The following CEP104 variants were observed in gnomAD, a reference collection of about 807,000 sequenced individuals.
CEP104 encodes the protein centrosomal protein 104.
A neutral mutation model predicts 113.3 loss-of-function variants in CEP104; 84 were observed. The observed-to-expected ratio is 0.74, with a 90% CI of 0.62 to 0.89. The LOEUF is 0.89. CEP104 is among the 40% of genes least tolerant of loss of function. The pLI, the probability that CEP104 is intolerant of heterozygous loss-of-function variation, is 0.00. For missense variants in CEP104, 1,053 were observed against 1,156.6 expected (o/e 0.91, Z 1.30); for synonymous variants, 378 against 421.7 (o/e 0.90, Z 1.27).
At chr1:3,822,766 G>A (rs1644004108) in intron 20 of CEP104, 1 of 167,958 alleles carries the variant, frequency 6.0e-6, no homozygotes, top group Admixed American at 5.7e-5. Flanking sequence ...GAATCAGGTA[G>A]GAAAGAGAAT....
chr1:3,835,303 C>A (rs929167374), intron 10 of CEP104, among the ~76,000 whole-genome samples: 1 of 151,972 alleles, frequency 6.6e-6, no homozygotes, highest in African/African-American at 2.4e-5. Context: ...AAATTTAAGA[C>A]TATGTTAAAA....
chr1:3,833,408 T>C (rs1438739240), intron 12 of CEP104, among the ~76,000 whole-genome samples: 2 of 152,206 alleles, frequency 1.3e-5, no homozygotes, highest in Non-Finnish European at 2.9e-5. Flanking sequence ...ATTCATTAGC[T>C]AGTTTAAAGA....
chr1:3,815,864 G>C (rs894043853), intron 21 of CEP104, among the ~76,000 whole-genome samples: 5 of 152,148 alleles, frequency 3.3e-5, no homozygotes, highest in Non-Finnish European at 5.9e-5. Context: ...ATTTTTTATA[G>C]GGTTTCACCA....
chr1:3,841,823 A>G (rs1209844565), intron 6 of CEP104, among the ~76,000 whole-genome samples: 1 of 152,230 alleles, frequency 6.6e-6, no homozygotes. Context: ...AATAACAGAA[A>G]GAAGCTTTAT....
chr1:3,832,412 TAGGTCCTGACCAGGAGTGTAGC>T (rs2124662770), intron 12 of CEP104, among the ~76,000 whole-genome samples: 1 of 62,172 alleles, frequency 1.6e-5, no homozygotes, highest in Admixed American at 1.7e-4. Context: ...GAGTGTAGCG[TAGGTCCTGACCAGGAGTGTAGC>T]GTAGGTCGTG....
chr1:3,852,565 A>ATT, intron 1 of CEP104, 144 bp from the exon 2 acceptor site: 1 of 717,174 alleles, frequency 1.4e-6, no homozygotes, highest in Non-Finnish European at 2.1e-6. Context: ...AAAAGAGTCT[A>ATT]TTTTTTTTTG....
Position 3,840,113 on chromosome 1 carries a change from T to C in CEP104, c.567-337A>G, listed in dbSNP as rs114628473. On this transcript the variant is annotated intron_variant, in intron 6 of 21. Coordinates refer to ENST00000378230, the MANE Select transcript of CEP104 (RefSeq NM_014704.4). ...AATAGGACAGTGAATGTGAATCAAC[T>C]GCAGAACAAGGAGAAAAACAAAAAC... Among the ~76,000 whole-genome samples the C allele has an allele frequency of 6.3e-3, 962 of 152,254 alleles. 7 individuals carry two copies. Among genetic ancestry groups the C allele is most frequent in the African/African-American group, 0.023 (937 of 41,532 alleles).
intron 13 of CEP104, among the ~76,000 whole-genome samples, chr1:3,830,415 T>C (rs1283231350): frequency 6.6e-6 from 1 of 152,176 alleles, no homozygotes; most frequent in East Asian, 1.9e-4. Flanking sequence ...ACTTCTGGTC[T>C]TAAGCATTCC....
At chr1:3,853,977 C>T (rs1644663898) in intron 1 of CEP104, among the ~76,000 whole-genome samples, 1 of 152,152 alleles carries the variant, frequency 6.6e-6, no homozygotes, top group Non-Finnish European at 1.5e-5. Context: ...TGTGATTTAA[C>T]CCACTGTTAG....
At chr1:3,827,477 C>T (rs562307736) in intron 15 of CEP104, among the ~76,000 whole-genome samples, 2 of 152,142 alleles carry the variant, frequency 1.3e-5, no homozygotes, top group Non-Finnish European at 2.9e-5. Flanking sequence ...GCCTCGGCCT[C>T]CCAAAGTGCT....
intron 15 of CEP104, among the ~76,000 whole-genome samples, chr1:3,828,943 C>T (rs1202162755): frequency 1.3e-5 from 2 of 152,184 alleles, no homozygotes; most frequent in African/African-American, 2.4e-5. Context: ...GCTGATTTTT[C>T]TCCTTTGCCT....
Position 3,813,535 on chromosome 1 carries a change from C to T in CEP104, c.*1867G>A, listed in dbSNP as rs552873849. The T allele has an allele frequency of 6.0e-5, 9 of 150,334 alleles. No individual in the cohort carries two copies. The highest frequency in any genetic ancestry group is 1.3e-4 in the Admixed American group (2 of 15,156). 9.3% of individuals were successfully genotyped at this position (150,334 alleles called of 1,614,324 possible). On this transcript the variant is annotated 3_prime_UTR_variant, in exon 22 of 22. Transcript: ENST00000378230. ...GCTGGGATTACAGCGTGAGCCACCG[C>T]GCCTGGCCTCCTCTCTCCTTATAAA...
intron 6 of CEP104, among the ~76,000 whole-genome samples, chr1:3,842,290 C>T (rs1644427683): frequency 6.6e-6 from 1 of 152,158 alleles, no homozygotes; most frequent in Non-Finnish European, 1.5e-5. Context: ...CCGTGTTAGC[C>T]AGGATGGTCT....
At chr1:3,833,681 C>A in intron 12 of CEP104, 181 bp downstream of exon 12, 2 of 480,858 alleles carry the variant, frequency 4.2e-6, no homozygotes, top group Admixed American at 3.8e-5. Flanking sequence ...TAGATTTTAA[C>A]TGAAGTTTAT....
At chr1:3,839,394 A>G (rs577591346) in intron 7 of CEP104, among the ~76,000 whole-genome samples, 77 of 152,214 alleles carry the variant, frequency 5.1e-4, no homozygotes, top group Non-Finnish European at 7.6e-4. Flanking sequence ...TGACCCTGAC[A>G]CCTGAACGTG....
At chr1:3,838,136 C>A (rs140128703) in intron 8 of CEP104, among the ~76,000 whole-genome samples, 242 of 152,362 alleles carry the variant, frequency 1.6e-3, no homozygotes, top group African/African-American at 5.5e-3. Flanking sequence ...TGAACCCAGA[C>A]AGTCCAGCTC....
In CEP104 at chr1:3,813,011, GTA is replaced by G. The variant is rs1643820472; in HGVS notation, c.*2389_*2390del. On this transcript the variant is annotated 3_prime_UTR_variant, in exon 22 of 22. Coordinates refer to ENST00000378230, the MANE Select transcript of CEP104 (RefSeq NM_014704.4). ...AAGTTACAATATATAGAAGGCATGTGTATATGTGTGTATATATATATATATAT... is the reference window on the plus strand; with the variant it reads ...AAGTTACAATATATAGAAGGCATGTGTATGTGTGTATATATATATATATAT... 6.6e-6 allele frequency: 1 copy of G among 151,892 alleles called. No homozygotes were observed. The highest frequency in any genetic ancestry group is 1.5e-5 in the Non-Finnish European group (1 of 67,982). 9.4% of individuals were successfully genotyped at this position (151,892 alleles called of 1,614,324 possible). A position where few individuals can be genotyped will look rare whatever the true frequency, so the allele number is the denominator to read the frequency against.
At chr1:3,847,742 G>T in intron 3 of CEP104, 129 bp from the exon 4 acceptor site, 1 of 912,670 alleles carries the variant, frequency 1.1e-6, no homozygotes, top group Non-Finnish European at 1.7e-6. Context: ...CTACCCCTAT[G>T]CAGGATCAAC....
rs1644090589 is a variant in CEP104, at chr1:3,826,350, T to G, written c.2255+20A>C. 1.2e-6 allele frequency: 2 copies of G among 1,611,498 alleles called. No homozygotes were observed. The highest frequency in any genetic ancestry group is 1.7e-5 in the Admixed American group (1 of 59,932). On this transcript the variant is annotated intron_variant, in intron 17 of 21. Coordinates refer to ENST00000378230, the MANE Select transcript of CEP104 (RefSeq NM_014704.4). ...GTTGCCCTGACCATCGTACAATGGG[T>G]GGAAGACAGCGCGACTTACTTATCT...
Sources: gnomAD v4.1 joint callset for allele counts (sites outside exome capture counted in the v4.1 genomes callset) on GRCh38, gnomAD v4.1.1 for gene constraint, MANE v1.5 for transcripts, NCBI Gene and HGNC (gene_info 2026-07-23, HGNC 2026-07-21) for gene names.